PCDH15: variants seen among roughly 807,000 people sequenced by gnomAD.
The protein encoded by PCDH15 is protocadherin-15.
In PCDH15, 129 loss-of-function variants were observed where a neutral mutation model predicts 178.5. That is an observed-to-expected ratio of 0.72 (90% CI 0.63 to 0.84). The LOEUF (loss-of-function observed/expected upper bound fraction) is 0.84. Among genes scored for constraint, PCDH15 ranks in the 40% least tolerant of loss-of-function variants. The probability of loss-of-function intolerance (pLI) is 0.00; values close to 1 mark genes in which losing one functional copy is unlikely to be tolerated. For synonymous variants in PCDH15, 800 were observed against 732.0 expected (o/e 1.09, Z -1.50); for missense variants, 2,230 against 2,099.9 (o/e 1.06, Z -1.21).
chr10:54,603,870 A>G (rs969220855), intron 2 of PCDH15, among the ~76,000 whole-genome samples: 3 of 152,056 alleles, frequency 2.0e-5, no homozygotes, highest in African/African-American at 7.2e-5. Flanking sequence ...GATATTGCAC[A>G]GCTTTAGCAG....
chr10:54,246,351 G>A (rs2132003635), intron 8 of PCDH15, among the ~76,000 whole-genome samples: 1 of 151,778 alleles, frequency 6.6e-6, no homozygotes, highest in South Asian at 2.1e-4. Context: ...CCTAGAGATG[G>A]CCTGATTTGT....
intron 32 of PCDH15, chr10:53,820,965 C>T (rs2076239544): frequency 2.5e-6 from 1 of 395,930 alleles, no homozygotes; most frequent in African/African-American, 2.2e-5. Context: ...ATTTATTAAA[C>T]TGAAGATCAT....
At chr10:54,892,146 C>G (rs142764163) in intron 3 of PCDH15, among the ~76,000 whole-genome samples, 2 of 152,048 alleles carry the variant, frequency 1.3e-5, no homozygotes, top group Non-Finnish European at 2.9e-5. Context: ...AAAGACTGAG[C>G]ATTTTTTTCA....
At chr10:55,558,486 C>T (rs1204970614) in intron 2 of PCDH15, among the ~76,000 whole-genome samples, 8 of 152,100 alleles carry the variant, frequency 5.3e-5, no homozygotes, top group Non-Finnish European at 8.8e-5. Context: ...TCAAAGAACT[C>T]ATTTTACATC....
At chr10:53,911,858 A>G (rs896985262) in intron 25 of PCDH15, among the ~76,000 whole-genome samples, 5 of 152,216 alleles carry the variant, frequency 3.3e-5, no homozygotes, top group African/African-American at 1.2e-4. Context: ...GCCAAATTCT[A>G]ATAGAGGTAC....
chr10:54,358,803 C>T (rs1049172749), intron 5 of PCDH15, among the ~76,000 whole-genome samples: 1 of 151,744 alleles, frequency 6.6e-6, no homozygotes, highest in African/African-American at 2.4e-5. Flanking sequence ...AAATGTGGCA[C>T]ATATACACCA....
intron 2 of PCDH15, among the ~76,000 whole-genome samples, chr10:54,969,791 G>A (rs1332884624): frequency 6.6e-6 from 1 of 152,144 alleles, no homozygotes; most frequent in Non-Finnish European, 1.5e-5. Context: ...AAGGAACACT[G>A]TTCTGATAAC....
At chr10:54,183,636 A>G (rs745387740) in intron 12 of PCDH15, 43 bp from the exon 13 acceptor site, 1 of 1,606,492 alleles carries the variant, frequency 6.2e-7, no homozygotes, top group Non-Finnish European at 8.5e-7. Flanking sequence ...TGTTCTGCAA[A>G]TATAAGTAGT....
At chr10:54,294,268 A>G (rs1194352269) in intron 8 of PCDH15, among the ~76,000 whole-genome samples, 1 of 151,702 alleles carries the variant, frequency 6.6e-6, no homozygotes, top group Non-Finnish European at 1.5e-5. Context: ...GAACAATGAG[A>G]ACACTTGGAC....
At chr10:54,650,229 C>T (rs2094225972) in intron 2 of PCDH15, among the ~76,000 whole-genome samples, 1 of 151,996 alleles carries the variant, frequency 6.6e-6, no homozygotes, top group African/African-American at 2.4e-5. Context: ...ATTATAAAAT[C>T]ACAGGACAGC....
Position 53,809,022 on chromosome 10 carries a change from AC to A in PCDH15, c.4671+1533del, listed in dbSNP as rs1256022517. ...GTTCTTCTTGTGGCTCCTCTTTCCT[AC>A]CCTTGACTTCCTTGACCTCCTCAAC... On this transcript the variant is annotated intron_variant, in intron 37 of 37. Coordinates refer to ENST00000644397, the MANE Select transcript of PCDH15 (RefSeq NM_001384140.1). 3 of 1,593,314 alleles carry A rather than the reference AC, an allele frequency of 1.9e-6. No individual in the cohort carries two copies. In the African/African-American group the frequency reaches 4.0e-5, roughly 21 times the overall value.
At chr10:55,582,904 C>T (rs146897757) in intron 2 of PCDH15, among the ~76,000 whole-genome samples, 13 of 151,776 alleles carry the variant, frequency 8.6e-5, no homozygotes, top group East Asian at 3.9e-4. Flanking sequence ...AGTTTAAATA[C>T]GTAATTGCCA....
At chr10:54,405,467 A>T (rs1952523892) in intron 3 of PCDH15, among the ~76,000 whole-genome samples, 1 of 152,020 alleles carries the variant, frequency 6.6e-6, no homozygotes, top group Non-Finnish European at 1.5e-5. Flanking sequence ...CTCACTTATA[A>T]GTGGGATATT....
At position 54,998,886 on chromosome 10, in the gene PCDH15, C is replaced by T. The variant is rs186274167; in HGVS notation, c.-79-101386G>A. Among the ~76,000 whole-genome samples the T allele has an allele frequency of 1.7e-3, 258 of 152,184 alleles. 1 individual carries two copies. The highest frequency in any genetic ancestry group is 5.9e-3 in the African/African-American group (244 of 41,532). ...CAGTTGTATATCAGGAACAAAATAT[C>T]CACAACGTGTATGTTTTTATGTCCT... On this transcript the variant is annotated intron_variant, in intron 2 of 5. Coordinates refer to the PCDH15 transcript ENST00000458638.
At chr10:54,709,603 TATATATAC>T (rs1485914769) in intron 1 of PCDH15, among the ~76,000 whole-genome samples, 3,816 of 130,974 alleles carry the variant, frequency 0.029, 206 homozygotes, top group African/African-American at 0.1. Context: ...CATATATATA[TATATATAC>T]ATATATATAT....
chr10:54,805,690 G>A (rs1044720457), upstream of PCDH15, among the ~76,000 whole-genome samples: 5 of 152,056 alleles, frequency 3.3e-5, no homozygotes, highest in Non-Finnish European at 5.9e-5. Context: ...TTTAATACTT[G>A]TCTCTGCTGA....
At chr10:54,020,114 T>A in intron 20 of PCDH15, 78 bp downstream of exon 20, 2 of 1,222,724 alleles carry the variant, frequency 1.6e-6, no homozygotes, top group Non-Finnish European at 2.4e-6. Flanking sequence ...CAAAACATAT[T>A]ATAGGTATAA....
chr10:54,594,623 T>A (rs1937407), intron 2 of PCDH15, among the ~76,000 whole-genome samples: 2 of 152,154 alleles, frequency 1.3e-5, no homozygotes, highest in Non-Finnish European at 2.9e-5. Context: ...ACTGCTTTGC[T>A]GGCAGGCACT....
In PCDH15 at chr10:53,804,279, G is replaced by A. The variant is rs1490057274; in HGVS notation, c.*2300C>T. ...TCTGCTAAGTGGCTTGTAAAATTTT[G>A]CATATTTTCTCATAAAAAATGTAGT... On this transcript the variant is annotated 3_prime_UTR_variant, in exon 38 of 38. Coordinates refer to ENST00000644397, the MANE Select transcript of PCDH15 (RefSeq NM_001384140.1). 3 of 151,804 alleles carry A rather than the reference G, an allele frequency of 2.0e-5. No homozygotes were observed. The highest frequency in any genetic ancestry group is 4.4e-5 in the Non-Finnish European group (3 of 67,848). 9.4% of individuals were successfully genotyped at this position (151,804 alleles called of 1,614,324 possible).
Sources: gnomAD v4.1 joint callset for allele counts (sites outside exome capture counted in the v4.1 genomes callset) on GRCh38, gnomAD v4.1.1 for gene constraint, MANE v1.5 for transcripts, NCBI Gene and HGNC (gene_info 2026-07-23, HGNC 2026-07-21) for gene names.